Variants in TTC7A observed in about 807,000 individuals in gnomAD.
The protein encoded by TTC7A is tetratricopeptide repeat domain 7A, also known as tetratricopeptide repeat protein 7A.
In TTC7A, 110 loss-of-function variants were observed where a neutral mutation model predicts 103.7. That is an observed-to-expected ratio of 1.06 (90% CI 0.91 to 1.24). The LOEUF is 1.24. Ranked by LOEUF, TTC7A falls within the 50% of genes most tolerant of loss-of-function variation. The pLI, the probability that TTC7A is intolerant of heterozygous loss-of-function variation, is 0.00. For synonymous variants in TTC7A, 521 were observed against 467.9 expected (o/e 1.11, Z -1.47); for missense variants, 1,340 against 1,116.3 (o/e 1.20, Z -2.86).
chr2:46,989,728 A>G (rs1331493096), intron 5 of TTC7A, among the ~76,000 whole-genome samples: 5 of 151,994 alleles, frequency 3.3e-5, no homozygotes, highest in Non-Finnish European at 5.9e-5. Flanking sequence ...CTTACATGCT[A>G]GAGTAAAAAG....
chr2:46,994,379 G>A lies in TTC7A; in HGVS notation c.866G>A (p.Gly289Glu), dbSNP rs1019611834. The change falls in exon 7 of 20, where the codon GGG (glycine) becomes GAG (glutamate). Residue 289 changes from glycine (G) to glutamate (E), a missense_variant. Coordinates refer to ENST00000319190, the MANE Select transcript of TTC7A (RefSeq NM_020458.4). ...FKVMAAKHLA[G>E]VLLHSLSEEC... ...CAGATGGCGGCCAAGCACCTGGCGGGGGTCCTGCTGCACTCCCTGAGTGAG... is the reference window on the plus strand; with the variant it reads ...CAGATGGCGGCCAAGCACCTGGCGGAGGTCCTGCTGCACTCCCTGAGTGAG... 6.2e-7 allele frequency: 1 copy of A among 1,613,286 alleles called. No homozygotes were observed. The highest frequency in any genetic ancestry group is 8.5e-7 in the Non-Finnish European group (1 of 1,179,612).
At chr2:46,934,787 C>CTTTTTTTTTTTTTTTTT (rs1161003607) in intron 2 of TTC7A, among the ~76,000 whole-genome samples, 14 of 66,888 alleles carry the variant, frequency 2.1e-4, no homozygotes, top group Non-Finnish European at 3.2e-4. Context: ...GACTACTGCT[C>CTTTTTTTTTTTTTTTTT]TTTTTTTTTT....
chr2:47,050,027 T>G lies in TTC7A; in HGVS notation c.1998T>G (p.Asp666Glu). 5.0e-6 allele frequency: 8 copies of G among 1,614,050 alleles called. No homozygotes were observed. Among genetic ancestry groups the G allele is most frequent in the Non-Finnish European group, 6.8e-6 (8 of 1,179,948 alleles). The change falls in exon 17 of 20, where the codon GAT (aspartate) becomes GAG (glutamate). Residue 666 changes from aspartate to glutamate, a missense_variant. Asp to Glu is a conservative substitution (Grantham distance 45, BLOSUM62 2). Coordinates refer to ENST00000319190, the MANE Select transcript of TTC7A (RefSeq NM_020458.4). Reference protein sequence around the residue: ...KQSGMHLTLPDAHDADSGSRR... With the variant: ...KQSGMHLTLPEAHDADSGSRR... Reference sequence around the variant, plus strand: ...GTGGCATGCACCTGACTTTGCCTGATGCCCATGATGCAGACTCTGGTAAGA... The same window carrying G: ...GTGGCATGCACCTGACTTTGCCTGAGGCCCATGATGCAGACTCTGGTAAGA...
At chr2:46,977,683 A>C (rs1364076954) in intron 4 of TTC7A, among the ~76,000 whole-genome samples, 1 of 152,208 alleles carries the variant, frequency 6.6e-6, no homozygotes, top group Non-Finnish European at 1.5e-5. Flanking sequence ...ATACCTGGCT[A>C]GGCTTGAGTT....
At chr2:46,923,006 A>G (rs1669184891) in intron 2 of TTC7A, among the ~76,000 whole-genome samples, 1 of 152,240 alleles carries the variant, frequency 6.6e-6, no homozygotes, top group Non-Finnish European at 1.5e-5. Context: ...ATTTTAAAGT[A>G]TACGAATAAA....
At chr2:46,999,788 A>G in intron 8 of TTC7A, 2 of 985,488 alleles carry the variant, frequency 2.0e-6, no homozygotes, top group East Asian at 1.1e-4. Context: ...TATGTGCTAA[A>G]GTAAACTGAA....
chr2:47,001,982 C>G (rs1478908065), intron 8 of TTC7A, among the ~76,000 whole-genome samples: 1 of 152,170 alleles, frequency 6.6e-6, no homozygotes, highest in African/African-American at 2.4e-5. Context: ...CCCTAAGGTC[C>G]CATGTTTGCT....
chr2:47,026,047 C>T (rs981593249), intron 14 of TTC7A, among the ~76,000 whole-genome samples: 3 of 152,232 alleles, frequency 2.0e-5, no homozygotes, highest in Non-Finnish European at 2.9e-5. Context: ...AGAGAGATGG[C>T]GGGCCAGGCC....
chr2:46,938,389 A>C (rs987580762), upstream of TTC7A, among the ~76,000 whole-genome samples: 2 of 152,102 alleles, frequency 1.3e-5, no homozygotes, highest in Non-Finnish European at 2.9e-5. Context: ...CCTATCTAAT[A>C]ATCCTCAACA....
chr2:47,069,696 G>A (rs1684496522), intron 19 of TTC7A, among the ~76,000 whole-genome samples: 1 of 152,218 alleles, frequency 6.6e-6, no homozygotes, highest in Admixed American at 6.5e-5. Flanking sequence ...ACAGGTTGAG[G>A]CTGACACACC....
At position 47,046,349 on chromosome 2, in the gene TTC7A, C is replaced by G; in HGVS notation, c.1837C>G (p.Leu613Val). The change falls in exon 16 of 20, where the codon CTG (leucine) becomes GTG (valine). Residue 613 changes from leucine (L) to valine (V), a missense_variant. Coordinates refer to ENST00000319190, the MANE Select transcript of TTC7A (RefSeq NM_020458.4). Reference protein sequence around the residue: ...MFTKVKLEQVLKGPEEALVTC... With the variant: ...MFTKVKLEQVVKGPEEALVTC... ...CACCAAGGTGAAGCTGGAGCAGGTG[C>G]TGAAAGGCCCAGAGGAAGCCCTCGT... 2 of 1,614,160 alleles carry G rather than the reference C, an allele frequency of 1.2e-6. No homozygotes were observed. The highest frequency in any genetic ancestry group is 1.7e-6 in the Non-Finnish European group (2 of 1,180,000).
At chr2:46,938,787 G>T (rs1670104184), upstream of TTC7A, among the ~76,000 whole-genome samples, 1 of 152,118 alleles carries the variant, frequency 6.6e-6, no homozygotes, top group African/African-American at 2.4e-5. Flanking sequence ...GCCAAGGCGG[G>T]CAGATCATGA....
At chr2:47,003,532 T>A (rs533537362) in intron 8 of TTC7A, among the ~76,000 whole-genome samples, 7 of 152,222 alleles carry the variant, frequency 4.6e-5, no homozygotes, top group Admixed American at 1.3e-4. Context: ...TTAGATTTTA[T>A]CCTGATGGCC....
At chr2:47,041,464 CT>C (rs1483998073) in intron 15 of TTC7A, among the ~76,000 whole-genome samples, 1 of 152,146 alleles carries the variant, frequency 6.6e-6, no homozygotes, top group Admixed American at 6.5e-5. Context: ...ATTAAAAATG[CT>C]TGATACGCCA....
upstream of TTC7A, among the ~76,000 whole-genome samples, chr2:46,938,434 C>T (rs540829788): frequency 5.1e-4 from 78 of 152,182 alleles, no homozygotes; most frequent in African/African-American, 1.4e-3. Flanking sequence ...ACCTGTGCCT[C>T]GGACCTTCAA....
chr2:46,972,748 A>T (rs939040122), intron 3 of TTC7A, among the ~76,000 whole-genome samples: 1 of 152,232 alleles, frequency 6.6e-6, no homozygotes, highest in African/African-American at 2.4e-5. Context: ...GTTGGGTTCC[A>T]TGGGAAGTGT....
chr2:46,949,745 G>A (rs1671247503), intron 1 of TTC7A, among the ~76,000 whole-genome samples: 1 of 152,154 alleles, frequency 6.6e-6, no homozygotes, highest in Admixed American at 6.5e-5. Flanking sequence ...CTTAAAAACT[G>A]GATGGTATGG....
At chr2:47,017,046 A>C (rs1279467775) in intron 11 of TTC7A, among the ~76,000 whole-genome samples, 1 of 150,682 alleles carries the variant, frequency 6.6e-6, no homozygotes, top group Non-Finnish European at 1.5e-5. Flanking sequence ...TAAAAATAAC[A>C]AAAATTAGCC....
At chr2:47,057,677 C>T (rs978456235) in intron 18 of TTC7A, among the ~76,000 whole-genome samples, 1 of 152,174 alleles carries the variant, frequency 6.6e-6, no homozygotes, top group African/African-American at 2.4e-5. Context: ...AAGTCACACC[C>T]ACACACTTCC....
Sources: allele counts gnomAD v4.1 joint callset (sites outside exome capture counted in the v4.1 genomes callset), GRCh38; gene constraint gnomAD v4.1.1; transcripts MANE v1.5; gene names NCBI Gene and HGNC (gene_info 2026-07-23, HGNC 2026-07-21).